NTRK1: variants seen among roughly 807,000 people sequenced by gnomAD.
The protein encoded by NTRK1 is neurotrophic receptor tyrosine kinase 1.
A neutral mutation model predicts 86.8 loss-of-function variants in NTRK1; 62 were observed. The observed-to-expected ratio is 0.71, with a 90% CI of 0.58 to 0.88. The LOEUF (loss-of-function observed/expected upper bound fraction) is 0.88, where lower values mean the gene tolerates loss of function less well. Among genes scored for constraint, NTRK1 ranks in the 40% least tolerant of loss-of-function variants. The pLI, the probability that NTRK1 is intolerant of heterozygous loss-of-function variation, is 0.00. For missense variants in NTRK1, 967 were observed against 1,078.4 expected (o/e 0.90, Z 1.45); for synonymous variants, 469 against 456.6 (o/e 1.03, Z -0.35).
At chr1:156,844,571 G>A in intron 2 of NTRK1, 2 of 1,614,160 alleles carry the variant, frequency 1.2e-6, no homozygotes, top group South Asian at 1.1e-5. Context: ...GGGCCAGGTG[G>A]ACTCCCCCAA....
At chr1:156,853,898 G>A (rs1240960036) in intron 2 of NTRK1, 2 of 1,614,154 alleles carry the variant, frequency 1.2e-6, no homozygotes, top group Admixed American at 1.7e-5. Flanking sequence ...GATGTGGTTG[G>A]CGCCAGGTGC....
intron 11 of NTRK1, among the ~76,000 whole-genome samples, chr1:156,875,297 T>C (rs917690760): frequency 6.8e-6 from 1 of 148,014 alleles, no homozygotes; most frequent in Non-Finnish European, 1.5e-5. Flanking sequence ...TCTGTGGGGG[T>C]GGAGGGGGAG....
rs140531495 is a variant in NTRK1 at position 156,842,444 on chromosome 1, C to T, written c.50+251C>T. The T allele has an allele frequency of 2.0e-4, 326 of 1,614,104 alleles. 1 individual carries two copies. Among genetic ancestry groups the T allele is most frequent in the South Asian group, 1.8e-3 (168 of 91,084 alleles). ...TCGAAGATGGCTCTTGAGGTCCCCA[C>T]GGGTCATTAACTCCATGATGACCAG... On this transcript the variant is annotated intron_variant, in intron 2 of 16. Transcript: ENST00000392302.
intron 1 of NTRK1, among the ~76,000 whole-genome samples, chr1:156,821,339 C>T (rs1292960419): frequency 6.6e-6 from 1 of 152,028 alleles, no homozygotes; most frequent in Non-Finnish European, 1.5e-5. Flanking sequence ...ATTTCTTTCC[C>T]TTGTCTGATT....
intron 1 of NTRK1, among the ~76,000 whole-genome samples, chr1:156,820,595 T>C (rs774605126): frequency 3.9e-5 from 6 of 152,194 alleles, no homozygotes; most frequent in Non-Finnish European, 8.8e-5. Context: ...ATTGGCTGTA[T>C]GTATTTGGCT....
At chr1:156,853,623 C>T in intron 2 of NTRK1, 1 of 965,064 alleles carries the variant, frequency 1.0e-6, no homozygotes, top group East Asian at 2.5e-5. Flanking sequence ...TTACCTGCCT[C>T]ATAGGATGAG....
rs1648260954 is a variant in NTRK1, at chr1:156,881,542, G to A, written c.2291G>A (p.Trp764Ter). ...GTCTACGCCATCATGCGGGGCTGCT[G>A]GCAGCGGGAGCCCCAGCAACGCCAC... The part of the protein sequence containing the change: ...PEVYAIMRGC[W>*]QREPQQRHSI... Residue 764 changes from tryptophan to a stop codon, truncating the protein, a stop_gained, in exon 17 of 17, where the codon TGG (tryptophan) becomes TAG (stop). Transcript: ENST00000524377. LOFTEE classifies it high-confidence loss of function. 1 of 1,606,764 alleles carries A rather than the reference G, an allele frequency of 6.2e-7. No homozygotes were observed. Among genetic ancestry groups the A allele is most frequent in the Admixed American group, 1.7e-5 (1 of 59,106 alleles).
intron 1 of NTRK1, among the ~76,000 whole-genome samples, chr1:156,829,054 G>T (rs943204032): frequency 6.6e-6 from 1 of 152,208 alleles, no homozygotes; most frequent in African/African-American, 2.4e-5. Context: ...CAAGATGTGC[G>T]CAGCCTTGCT....
intron 7 of NTRK1, among the ~76,000 whole-genome samples, chr1:156,872,006 C>T (rs1023481721): frequency 3.9e-5 from 6 of 152,174 alleles, no homozygotes; most frequent in African/African-American, 1.2e-4. Flanking sequence ...AGGCCCTCAA[C>T]GCCAGATGCC....
At chr1:156,851,514 C>G in intron 2 of NTRK1, 1 of 1,602,682 alleles carries the variant, frequency 6.2e-7, no homozygotes, top group South Asian at 1.1e-5. Context: ...ATGGGGGCCC[C>G]GGGAAGGTGG....
intron 1 of NTRK1, among the ~76,000 whole-genome samples, chr1:156,833,043 T>G (rs74118774): frequency 6.6e-6 from 1 of 152,216 alleles, no homozygotes; most frequent in Non-Finnish European, 1.5e-5. Context: ...TAAGGACTTA[T>G]GCCCACCCAT....
At chr1:156,863,963 G>A (rs964235548) in intron 1 of NTRK1, among the ~76,000 whole-genome samples, 1 of 152,120 alleles carries the variant, frequency 6.6e-6, no homozygotes, top group African/African-American at 2.4e-5. Flanking sequence ...TGTGTCCATG[G>A]GTGAGCGTGT....
chr1:156,824,752 G>A (rs1290838537), intron 1 of NTRK1, among the ~76,000 whole-genome samples: 1 of 152,182 alleles, frequency 6.6e-6, no homozygotes, highest in African/African-American at 2.4e-5. Flanking sequence ...CCTAGGGTGT[G>A]TGCTGCAGTT....
chr1:156,827,419 T>C (rs916441754), intron 1 of NTRK1, among the ~76,000 whole-genome samples: 1 of 152,056 alleles, frequency 6.6e-6, no homozygotes, highest in African/African-American at 2.4e-5. Context: ...TGCGCCACCA[T>C]GCCTGGCTAA....
intron 2 of NTRK1, chr1:156,848,832 G>A (rs1470612783): frequency 5.3e-5 from 77 of 1,461,396 alleles, no homozygotes; most frequent in Non-Finnish European, 6.8e-5. Flanking sequence ...TCATAGCCTC[G>A]CTGAGCTCCG....
chr1:156,881,656 G>A lies in NTRK1; in HGVS notation c.*14G>A. 6.3e-7 allele frequency: 1 copy of A among 1,595,862 alleles called. No individual in the cohort carries two copies. The highest frequency in any genetic ancestry group is 8.5e-7 in the Non-Finnish European group (1 of 1,172,076). On this transcript the variant is annotated 3_prime_UTR_variant, in exon 17 of 17. Coordinates refer to ENST00000524377, the MANE Select transcript of NTRK1 (RefSeq NM_002529.4). ...GTCCTGGGCTAGGGGGCCGGCCCAG[G>A]GGCTGGGAGTGGTTAGCCGGAATAC...
intron 1 of NTRK1, among the ~76,000 whole-genome samples, chr1:156,825,309 A>C (rs1027260337): frequency 6.6e-6 from 1 of 152,338 alleles, no homozygotes; most frequent in Admixed American, 6.5e-5. Context: ...AAATCCAAAG[A>C]GGCCAAATAA....
intron 7 of NTRK1, among the ~76,000 whole-genome samples, chr1:156,872,717 C>T (rs1393712838): frequency 6.6e-6 from 1 of 150,510 alleles, no homozygotes; most frequent in African/African-American, 2.4e-5. Context: ...GCTCTGTCAC[C>T]CAGGCTGGAG....
rs532119440 is a variant in NTRK1, at chr1:156,875,596, C to T, written c.1431C>T (p.Ser477=). The T allele has an allele frequency of 1.4e-5, 22 of 1,613,874 alleles. 1 individual carries two copies. The South Asian group carries it at 2.1e-4, about 15-fold the overall frequency. Reference sequence around the variant, plus strand: ...TGACATTGGGTGGCAGCTCCCTGTCCCCCACCGAGGGCAAAGGCTCTGGGC... The same window carrying T: ...TGACATTGGGTGGCAGCTCCCTGTCTCCCACCGAGGGCAAAGGCTCTGGGC... ...HFMTLGGSSL[S]PTEGKGSGLQ... Residue 477 remains serine, a synonymous_variant, in exon 12 of 17, where the codon TCC becomes TCT. Coordinates refer to ENST00000524377, the MANE Select transcript of NTRK1 (RefSeq NM_002529.4).
Sources: allele counts gnomAD v4.1 joint callset (sites outside exome capture counted in the v4.1 genomes callset), GRCh38; gene constraint gnomAD v4.1.1; transcripts MANE v1.5; gene names NCBI Gene and HGNC (gene_info 2026-07-23, HGNC 2026-07-21).